Variants in IPO8 observed in about 807,000 individuals in gnomAD.
IPO8 encodes importin 8, also known as importin-8.
A neutral mutation model predicts 141.2 loss-of-function variants in IPO8; 65 were observed. The observed-to-expected ratio is 0.46, with a 90% CI of 0.38 to 0.57. The LOEUF (loss-of-function observed/expected upper bound fraction) is 0.57. Among genes scored for constraint, IPO8 ranks in the 20% least tolerant of loss-of-function variants. The pLI, the probability that IPO8 is intolerant of heterozygous loss-of-function variation, is 0.00. For missense variants in IPO8, 980 were observed against 1,246.8 expected, an observed-to-expected ratio of 0.79 and a Z score of 3.22; for synonymous variants, 411 against 420.3, an observed-to-expected ratio of 0.98 and a Z score of 0.27.
intron 12 of IPO8, 45 bp downstream of exon 12, chr12:30,665,684 T>C: frequency 1.6e-6 from 2 of 1,219,012 alleles, no homozygotes; most frequent in East Asian, 4.7e-5. Context: ...CATTTGCCTG[T>C]ACTTTACAAT....
At position 30,680,620 on chromosome 12, in the gene IPO8, C is replaced by T; in HGVS notation, c.501G>A (p.Glu167=). 6.2e-7 allele frequency: 1 copy of T among 1,610,686 alleles called. No individual in the cohort carries two copies. Among genetic ancestry groups the T allele is most frequent in the Non-Finnish European group, 8.5e-7 (1 of 1,178,834 alleles). ...GCATTGCTATTATAAGAGGTTCTCT[C>T]TCTTCTGCTTTCTTATATCTACATG... ...VKTYEYKKAE[E]REPLIIAMQI... is the part of the protein sequence containing the mutation. The change falls in exon 5 of 25, where the codon GAG becomes GAA. Residue 167 remains glutamate (E), a synonymous_variant. Coordinates refer to ENST00000256079, the MANE Select transcript of IPO8 (RefSeq NM_006390.4).
chr12:30,689,041 G>T (rs1327296374), intron 2 of IPO8, among the ~76,000 whole-genome samples: 1 of 151,980 alleles, frequency 6.6e-6, no homozygotes. Flanking sequence ...TATAAAGAAT[G>T]AAGTATCTAT....
chr12:30,683,352 C>T (rs2053207958), intron 3 of IPO8, among the ~76,000 whole-genome samples: 1 of 152,058 alleles, frequency 6.6e-6, no homozygotes, highest in South Asian at 2.1e-4. Flanking sequence ...TCCTGTTACC[C>T]GTCGTACTTC....
Position 30,675,955 on chromosome 12 carries a change from CG to C in IPO8, c.729+542del, listed in dbSNP as rs138447177. On this transcript the variant is annotated intron_variant, in intron 6 of 24. Transcript: ENST00000256079. ...ACTGAATTTCAAAATATTATCAATA[CG>C]TTTTTTTTCTTTTTTGAGATAGGGT... Among the ~76,000 whole-genome samples, 251 of 151,956 alleles carry C rather than the reference CG, an allele frequency of 1.7e-3. 2 individuals carry two copies. The highest frequency in any genetic ancestry group is 5.6e-3 in the African/African-American group (233 of 41,458).
At chr12:30,661,033 A>C in intron 16 of IPO8, 108 bp downstream of exon 16, 1 of 718,822 alleles carries the variant, frequency 1.4e-6, no homozygotes, top group Non-Finnish European at 2.0e-6. Flanking sequence ...GCCTAGCAAC[A>C]TAACTAAGTA....
chr12:30,691,370 A>C (rs2053289487), intron 1 of IPO8, among the ~76,000 whole-genome samples: 1 of 152,172 alleles, frequency 6.6e-6, no homozygotes, highest in Admixed American at 6.5e-5. Context: ...CTTAATGCCT[A>C]AGTGAGCCTG....
intron 6 of IPO8, among the ~76,000 whole-genome samples, chr12:30,675,286 A>G (rs577642170): frequency 2.0e-5 from 3 of 152,230 alleles, no homozygotes; most frequent in Non-Finnish European, 4.4e-5. Flanking sequence ...TCTTTTCCCT[A>G]TCAAATGGAC....
rs776092685 is a variant in IPO8, at chr12:30,680,562, C to T, written c.559G>A (p.Val187Ile). ...IFLPRIQQQI[V>I]QLLPDSSYYS... The stretch of plus-strand genomic sequence containing the variant: ...TAGGAGGAATCAGGAAGGAGCTGAA[C>T]AATTTGTTGCTGAATACGAGGCAGG... Residue 187 changes from valine to isoleucine, a missense_variant, in exon 5 of 25, where the codon GTT becomes ATT. By Grantham distance (29) the Val-to-Ile change is conservative (BLOSUM62 3). Coordinates refer to ENST00000256079, the MANE Select transcript of IPO8 (RefSeq NM_006390.4). 1.2e-6 allele frequency: 2 copies of T among 1,612,398 alleles called. No homozygotes were observed. The highest frequency in any genetic ancestry group is 1.7e-6 in the Non-Finnish European group (2 of 1,178,852).
At chr12:30,639,325 G>C (rs1406077922) in intron 21 of IPO8, among the ~76,000 whole-genome samples, 190 bp downstream of exon 21, 1 of 151,794 alleles carries the variant, frequency 6.6e-6, no homozygotes, top group African/African-American at 2.4e-5. Flanking sequence ...AATTTTCAGA[G>C]GCTGCATTCT....
intron 2 of IPO8, among the ~76,000 whole-genome samples, chr12:30,689,700 A>C (rs60547392): frequency 0.047 from 7,197 of 152,290 alleles, 562 homozygotes; most frequent in African/African-American, 0.16. Flanking sequence ...TGGAAAGGCT[A>C]ATGTTCACCT....
intron 19 of IPO8, 102 bp from the exon 20 acceptor site, chr12:30,649,334 C>CAGCAAGCAA: frequency 1.3e-6 from 1 of 745,846 alleles, no homozygotes; most frequent in Non-Finnish European, 2.2e-6. Flanking sequence ...ATAGGAACCA[C>CAGCAAGCAA]AGCTTTGCTT....
At chr12:30,662,594 G>T (rs10843805) in intron 14 of IPO8, 107 bp from the exon 15 acceptor site, 171,049 of 786,286 alleles carry the variant, frequency 0.22, 19,796 homozygotes, top group African/African-American at 0.27. Flanking sequence ...CCTAAATCAG[G>T]TTCTAGATAC....
Position 30,659,350 on chromosome 12 carries a change from C to T in IPO8, c.1881+1791G>A, listed in dbSNP as rs542144712. Among the ~76,000 whole-genome samples, 70 of 151,944 alleles carry T rather than the reference C, an allele frequency of 4.6e-4. 1 individual carries two copies. Among genetic ancestry groups the T allele is most frequent in the Non-Finnish European group, 1.5e-4 (10 of 67,958 alleles). ...ACTAATAATACAAAAATTAGCCTGG[C>T]GTGGTGGCAGGCAGCTACTCGGGAG... is the stretch of plus-strand genomic sequence containing the variant. On this transcript the variant is annotated intron_variant, in intron 16 of 24. Transcript: ENST00000256079.
intron 20 of IPO8, among the ~76,000 whole-genome samples, chr12:30,643,818 G>A (rs145534122): frequency 2.6e-5 from 4 of 152,298 alleles, no homozygotes; most frequent in South Asian, 2.1e-4. Flanking sequence ...AGCTTCTGGC[G>A]TACAGAATGG....
chr12:30,664,098 T>C (rs755269432), intron 13 of IPO8, among the ~76,000 whole-genome samples: 4 of 152,202 alleles, frequency 2.6e-5, no homozygotes, highest in African/African-American at 4.8e-5. Flanking sequence ...TTAAACCTGG[T>C]ATAGATGATC....
chr12:30,683,539 CTATTT>C (rs925025088), intron 3 of IPO8, among the ~76,000 whole-genome samples: 4 of 152,116 alleles, frequency 2.6e-5, no homozygotes, highest in Admixed American at 1.3e-4. Flanking sequence ...TTTGTTTCTC[CTATTT>C]TAAGATTGCA....
chr12:30,658,702 T>C (rs1454325073), intron 16 of IPO8, among the ~76,000 whole-genome samples: 1 of 152,092 alleles, frequency 6.6e-6, no homozygotes. Flanking sequence ...GTCCTAAGTA[T>C]AAGACAAAAG....
At chr12:30,681,944 G>A (rs2053193441) in intron 3 of IPO8, 127 bp from the exon 4 acceptor site, 1 of 683,600 alleles carries the variant, frequency 1.5e-6, no homozygotes, top group Non-Finnish European at 2.2e-6. Flanking sequence ...ACATATGTGG[G>A]GTAGGGGAAA....
At chr12:30,690,473 T>A (rs974029257) in intron 2 of IPO8, 23 bp downstream of exon 2, 2 of 1,351,856 alleles carry the variant, frequency 1.5e-6, no homozygotes, top group Non-Finnish European at 2.1e-6. Context: ...AATAAATTTA[T>A]AAAGGATAAA....
Sources: allele counts gnomAD v4.1 joint callset (sites outside exome capture counted in the v4.1 genomes callset), GRCh38; gene constraint gnomAD v4.1.1; transcripts MANE v1.5; gene names NCBI Gene and HGNC (gene_info 2026-07-23, HGNC 2026-07-21).